The following GARIN2 variants were observed in gnomAD, a reference collection of about 807,000 sequenced individuals.
The protein encoded by GARIN2 is golgi associated RAB2 interactor family member 2.
At chr14:67,200,084 CT>C in the GARIN2 span, 1 of 996,874 alleles carries the variant, frequency 1.0e-6, no homozygotes, top group Non-Finnish European at 1.5e-6. Flanking sequence ...CCTGGAATGC[CT>C]TATCCTGGAC....
the GARIN2 span, among the ~76,000 whole-genome samples, chr14:67,225,851 A>G: frequency 6.6e-6 from 1 of 152,154 alleles, no homozygotes; most frequent in African/African-American, 2.4e-5. Context: ...ACCCAGTAGC[A>G]CAGAAAGAGT....
chr14:67,222,227 C>T, the GARIN2 span, among the ~76,000 whole-genome samples: 1 of 152,166 alleles, frequency 6.6e-6, no homozygotes, highest in African/African-American at 2.4e-5. Context: ...AATTATCCAG[C>T]TCCTCTTTGT....
chr14:67,196,731 C>G, the GARIN2 span: 8 of 152,188 alleles, frequency 5.3e-5, no homozygotes, highest in Non-Finnish European at 7.3e-5. Flanking sequence ...GGACTCATGA[C>G]TCTGGTTCCA....
chr14:67,222,547 A>G, the GARIN2 span, among the ~76,000 whole-genome samples: 2 of 152,184 alleles, frequency 1.3e-5, no homozygotes, highest in African/African-American at 4.8e-5. Context: ...AAGTGCTGGG[A>G]TTATAGGAGT....
chr14:67,223,775 T>C, the GARIN2 span: 1 of 985,470 alleles, frequency 1.0e-6, no homozygotes, highest in Non-Finnish European at 1.2e-6. Flanking sequence ...TTTCAGTTTT[T>C]CCCCTGATTA....
At chr14:67,201,586 C>T in the GARIN2 span, 2 of 453,868 alleles carry the variant, frequency 4.4e-6, no homozygotes. Flanking sequence ...TGGTCACATG[C>T]CACTGCTGAA....
chr14:67,222,304 G>GT, the GARIN2 span, among the ~76,000 whole-genome samples: 2 of 152,096 alleles, frequency 1.3e-5, no homozygotes, highest in Non-Finnish European at 2.9e-5. Context: ...GTTTGTTGTT[G>GT]TTTTTTGTGA....
chr14:67,201,264 A>C, the GARIN2 span, among the ~76,000 whole-genome samples: 1 of 152,252 alleles, frequency 6.6e-6, no homozygotes, highest in Non-Finnish European at 1.5e-5. Flanking sequence ...ACTGCACTCC[A>C]GCCTGGATGA....
At chr14:67,195,748 T>A in the GARIN2 span, among the ~76,000 whole-genome samples, 1 of 151,814 alleles carries the variant, frequency 6.6e-6, no homozygotes, top group Non-Finnish European at 1.5e-5. Flanking sequence ...TGTGTGTGTG[T>A]GTGTGTGTGT....
the GARIN2 span, chr14:67,203,037 G>C: frequency 1.3e-6 from 2 of 1,556,104 alleles, no homozygotes; most frequent in Non-Finnish European, 8.7e-7. Context: ...AGGCAAGCAA[G>C]GTTGTCAAAG....
chr14:67,204,731 C>T, the GARIN2 span: 30 of 1,613,780 alleles, frequency 1.9e-5, no homozygotes, highest in African/African-American at 9.3e-5. Context: ...TCCAAAGTGT[C>T]GGAGGTTTCA....
the GARIN2 span, chr14:67,201,672 G>T: frequency 2.6e-6 from 1 of 384,134 alleles, no homozygotes; most frequent in Non-Finnish European, 5.2e-6. Context: ...TCCCTGAGCT[G>T]GGTCATCATC....
At chr14:67,204,911 A>T in the GARIN2 span, 12 of 1,611,174 alleles carry the variant, frequency 7.4e-6, no homozygotes, top group African/African-American at 1.4e-5. Context: ...GACATCACAG[A>T]TGTCACAGAT....
At chr14:67,205,452 T>C in the GARIN2 span, among the ~76,000 whole-genome samples, 1 of 152,194 alleles carries the variant, frequency 6.6e-6, no homozygotes, top group African/African-American at 2.4e-5. Flanking sequence ...TTCTAAAGGA[T>C]ATTAATACAA....
the GARIN2 span, chr14:67,200,199 G>GC: frequency 1.8e-4 from 207 of 1,128,086 alleles, 2 homozygotes; most frequent in South Asian, 3.1e-3. Flanking sequence ...CTCCACTGAT[G>GC]CCCCCCATGG....
chr14:67,225,451 A>G, the GARIN2 span, among the ~76,000 whole-genome samples: 7 of 152,212 alleles, frequency 4.6e-5, no homozygotes, highest in Admixed American at 4.6e-4. Flanking sequence ...GGGTCAAAAG[A>G]TAACATCAGC....
chr14:67,195,752 TG>T, the GARIN2 span, among the ~76,000 whole-genome samples: 7 of 151,754 alleles, frequency 4.6e-5, no homozygotes, highest in Non-Finnish European at 8.8e-5. Flanking sequence ...TGTGTGTGTG[TG>T]TGTGTTTTGA....
At chr14:67,223,980 G>A in the GARIN2 span, 1 of 984,810 alleles carries the variant, frequency 1.0e-6, no homozygotes, top group Non-Finnish European at 1.2e-6. Flanking sequence ...GCGGAAATCA[G>A]AATAATAACT....
the GARIN2 span, among the ~76,000 whole-genome samples, chr14:67,192,769 A>T: frequency 2.7e-5 from 4 of 148,844 alleles, no homozygotes; most frequent in Non-Finnish European, 5.9e-5. Context: ...ATATTTTAAC[A>T]TATATTACAT....
Sources: allele counts gnomAD v4.1 joint callset (sites outside exome capture counted in the v4.1 genomes callset), GRCh38; gene constraint gnomAD v4.1.1; transcripts MANE v1.5; gene names NCBI Gene and HGNC (gene_info 2026-07-23, HGNC 2026-07-21).